Variants in LINGO2 observed in about 807,000 individuals in gnomAD.
LINGO2 encodes leucine rich repeat and Ig domain containing 2.
In LINGO2, 14 loss-of-function variants were observed where a neutral mutation model predicts 30.6. That is an observed-to-expected ratio of 0.46 (90% CI 0.30 to 0.72). The LOEUF (loss-of-function observed/expected upper bound fraction) is 0.72, where lower values mean the gene tolerates loss of function less well. Ranked by LOEUF, LINGO2 falls within the 30% of genes least tolerant of loss-of-function variation. LINGO2 has a pLI of 0.07. For synonymous variants in LINGO2, 317 were observed against 288.5 expected, an observed-to-expected ratio of 1.10 and a Z score of -1.00; for missense variants, 729 against 751.7, an observed-to-expected ratio of 0.97 and a Z score of 0.35.
At chr9:28,550,319 G>T (rs1258029189) in intron 1 of LINGO2, among the ~76,000 whole-genome samples, 1 of 151,392 alleles carries the variant, frequency 6.6e-6, no homozygotes, top group Admixed American at 6.6e-5. Context: ...CTTTTTGTTG[G>T]TGCTGCATCC....
chr9:28,655,682 G>A (rs1828304898), intron 1 of LINGO2, among the ~76,000 whole-genome samples: 2 of 151,990 alleles, frequency 1.3e-5, no homozygotes, highest in Admixed American at 1.3e-4. Flanking sequence ...TCTCGTGATA[G>A]TGAGTTAGTT....
chr9:28,005,292 G>A (rs1314207270), intron 5 of LINGO2, among the ~76,000 whole-genome samples: 1 of 152,164 alleles, frequency 6.6e-6, no homozygotes, highest in Non-Finnish European at 1.5e-5. Context: ...ACCATGTGTA[G>A]CTGTTTTAAC....
intron 4 of LINGO2, among the ~76,000 whole-genome samples, chr9:28,196,155 A>C (rs1270572653): frequency 6.6e-6 from 1 of 151,724 alleles, no homozygotes. Flanking sequence ...CAAGATACTG[A>C]AATATACACA....
intron 1 of LINGO2, among the ~76,000 whole-genome samples, chr9:28,633,536 T>C (rs891981763): frequency 1.3e-5 from 2 of 152,164 alleles, no homozygotes; most frequent in Non-Finnish European, 2.9e-5. Context: ...AGCTCTCAAA[T>C]TGCACTTAAA....
At position 28,172,029 on chromosome 9, in the gene LINGO2, A is replaced by AAC. The variant is rs1554682040; in HGVS notation, c.-87+123178_-87+123179insGT. On this transcript the variant is annotated intron_variant, in intron 4 of 5. Transcript: ENST00000379992. ...AAGACTCCGTCTCAAAAAAAAAAAA[A>AAC]AAAACAAAAAAAAAAACCCAGCATC... Among the ~76,000 whole-genome samples, 51 of 99,988 alleles carry AAC rather than the reference A, an allele frequency of 5.1e-4. 1 individual carries two copies. The highest frequency in any genetic ancestry group is 7.1e-4 in the Non-Finnish European group (37 of 52,476). The allele number at this position is 99,988 out of a possible 152,430, so 65.6% of individuals were successfully genotyped here.
chr9:28,489,362 G>C (rs1332711648), intron 1 of LINGO2, among the ~76,000 whole-genome samples: 1 of 152,026 alleles, frequency 6.6e-6, no homozygotes, highest in African/African-American at 2.4e-5. Context: ...TAGATACAGG[G>C]TTTCGCCATG....
chr9:28,044,101 G>T (rs1824310717), intron 4 of LINGO2, among the ~76,000 whole-genome samples: 1 of 152,136 alleles, frequency 6.6e-6, no homozygotes, highest in Admixed American at 6.5e-5. Flanking sequence ...ACGTATGGAG[G>T]AATGCTTGAA....
chr9:28,256,547 T>C (rs1175722657), intron 4 of LINGO2, among the ~76,000 whole-genome samples: 1 of 151,742 alleles, frequency 6.6e-6, no homozygotes, highest in East Asian at 1.9e-4. Context: ...GATAGTGCCA[T>C]GAAAAAAATG....
At chr9:28,780,816 T>C in the LINGO2 span, among the ~76,000 whole-genome samples, 5 of 150,472 alleles carry the variant, frequency 3.3e-5, no homozygotes, top group Non-Finnish European at 7.4e-5. Flanking sequence ...TTTTCATATA[T>C]GATCTTGGTA....
At chr9:28,713,462 A>G in the LINGO2 span, among the ~76,000 whole-genome samples, 1 of 152,120 alleles carries the variant, frequency 6.6e-6, no homozygotes, top group Non-Finnish European at 1.5e-5. Flanking sequence ...TATGCTAGCC[A>G]AAAGAACGTG....
intron 1 of LINGO2, among the ~76,000 whole-genome samples, chr9:28,663,451 G>A (rs1194408902): frequency 4.6e-5 from 7 of 152,228 alleles, no homozygotes; most frequent in South Asian, 2.1e-4. Context: ...GATTACAGGC[G>A]TGAGCCACCG....
the LINGO2 span, among the ~76,000 whole-genome samples, chr9:28,685,549 T>G: frequency 6.6e-6 from 1 of 151,756 alleles, no homozygotes; most frequent in Non-Finnish European, 1.5e-5. Context: ...GAATCTATTA[T>G]ACTCAGATAT....
At chr9:29,059,666 G>A in the LINGO2 span, among the ~76,000 whole-genome samples, 1 of 151,790 alleles carries the variant, frequency 6.6e-6, no homozygotes, top group Non-Finnish European at 1.5e-5. Flanking sequence ...ACATCTATAT[G>A]GAAAATTAAA....
intron 4 of LINGO2, among the ~76,000 whole-genome samples, chr9:28,038,799 G>A (rs1282719189): frequency 6.6e-6 from 1 of 151,896 alleles, no homozygotes; most frequent in East Asian, 1.9e-4. Context: ...TCAAAGAAAA[G>A]CAGCCTCTTT....
At chr9:29,082,588 A>C in the LINGO2 span, among the ~76,000 whole-genome samples, 1 of 152,280 alleles carries the variant, frequency 6.6e-6, no homozygotes, top group African/African-American at 2.4e-5. Context: ...AATGGGATCT[A>C]ATTAAACTAA....
chr9:28,796,991 T>G, the LINGO2 span, among the ~76,000 whole-genome samples: 2 of 151,882 alleles, frequency 1.3e-5, no homozygotes, highest in South Asian at 4.2e-4. Flanking sequence ...ATGTATAAAT[T>G]AATTTGCTTC....
chr9:28,670,473 G>A (rs1227612426), upstream of LINGO2, among the ~76,000 whole-genome samples: 2 of 152,046 alleles, frequency 1.3e-5, no homozygotes, highest in Non-Finnish European at 2.9e-5. Flanking sequence ...TGGGACTTCC[G>A]AGGTACTAAA....
chr9:29,144,299 C>T, the LINGO2 span, among the ~76,000 whole-genome samples: 8 of 151,962 alleles, frequency 5.3e-5, no homozygotes, highest in Non-Finnish European at 7.4e-5. Flanking sequence ...CTGTATAGAA[C>T]GTCAGTGGAA....
At chr9:28,555,635 T>A (rs972577271) in intron 1 of LINGO2, among the ~76,000 whole-genome samples, 2 of 152,026 alleles carry the variant, frequency 1.3e-5, no homozygotes, top group African/African-American at 2.4e-5. Context: ...GAATCCTCCC[T>A]AACTCATTTT....
Sources: gnomAD v4.1 joint callset for allele counts (sites outside exome capture counted in the v4.1 genomes callset) on GRCh38, gnomAD v4.1.1 for gene constraint, MANE v1.5 for transcripts, NCBI Gene and HGNC (gene_info 2026-07-23, HGNC 2026-07-21) for gene names.